The following EYS variants were observed in gnomAD, a reference collection of about 807,000 sequenced individuals.
EYS encodes protein eyes shut homolog.
A neutral mutation model predicts 282.1 loss-of-function variants in EYS; 250 were observed. That is an observed-to-expected ratio of 0.89 (90% CI 0.80 to 0.98). The LOEUF (loss-of-function observed/expected upper bound fraction) is 0.98, where lower values mean the gene tolerates loss of function less well. Among genes scored for constraint, EYS ranks in the 50% least tolerant of loss-of-function variants. The probability of loss-of-function intolerance (pLI) is 0.00; values close to 1 mark genes in which losing one functional copy is unlikely to be tolerated. For synonymous variants in EYS, 1,355 were observed against 1,282.9 expected, an observed-to-expected ratio of 1.06 and a Z score of -1.20; for missense variants, 4,016 against 3,709.0, an observed-to-expected ratio of 1.08 and a Z score of -2.15.
chr6:64,302,305 C>A (rs1769263319), intron 30 of EYS, among the ~76,000 whole-genome samples: 1 of 152,200 alleles, frequency 6.6e-6, no homozygotes, highest in Non-Finnish European at 1.5e-5. Context: ...TGCCAGCTCA[C>A]AGGCACATCC....
chr6:64,915,590 T>G (rs547815483), intron 15 of EYS, among the ~76,000 whole-genome samples: 2 of 152,190 alleles, frequency 1.3e-5, no homozygotes, highest in Non-Finnish European at 2.9e-5. Flanking sequence ...CACTGTTTAC[T>G]AGATGCTGTC....
At chr6:65,226,117 T>A (rs1319363307) in intron 12 of EYS, among the ~76,000 whole-genome samples, 1 of 152,054 alleles carries the variant, frequency 6.6e-6, no homozygotes, top group African/African-American at 2.4e-5. Flanking sequence ...ATATAGGAAA[T>A]TCTTAAGAAT....
intron 7 of EYS, among the ~76,000 whole-genome samples, chr6:65,392,601 G>T (rs1409719123): frequency 2.0e-5 from 3 of 152,120 alleles, no homozygotes; most frequent in Non-Finnish European, 4.4e-5. Flanking sequence ...TCAGAGAAAT[G>T]CAAATCAAAA....
intron 22 of EYS, among the ~76,000 whole-genome samples, chr6:64,655,753 C>T (rs945240576): frequency 1.3e-5 from 2 of 151,860 alleles, no homozygotes; most frequent in African/African-American, 2.4e-5. Context: ...AATAAATTGG[C>T]TTATTGGTAT....
At chr6:65,420,701 A>G (rs1307449160) in intron 5 of EYS, among the ~76,000 whole-genome samples, 1 of 151,944 alleles carries the variant, frequency 6.6e-6, no homozygotes, top group East Asian at 1.9e-4. Flanking sequence ...CCTTACAAAA[A>G]GCATTTCTTA....
intron 31 of EYS, among the ~76,000 whole-genome samples, chr6:64,144,258 T>G (rs1387418741): frequency 1.3e-5 from 2 of 152,194 alleles, no homozygotes; most frequent in East Asian, 3.8e-4. Flanking sequence ...TTACTTTTTT[T>G]GTACTTTGTT....
intron 30 of EYS, among the ~76,000 whole-genome samples, chr6:64,271,959 C>T (rs1434798347): frequency 1.3e-5 from 2 of 152,190 alleles, no homozygotes; most frequent in Admixed American, 1.3e-4. Context: ...CCTGCCTCAG[C>T]CTCCCGAGTA....
chr6:64,495,705 C>A (rs576269467), intron 26 of EYS, among the ~76,000 whole-genome samples: 2 of 151,814 alleles, frequency 1.3e-5, no homozygotes, highest in South Asian at 4.1e-4. Flanking sequence ...AGACGTTAAA[C>A]CTTTTATTTC....
intron 1 of EYS, among the ~76,000 whole-genome samples, chr6:65,643,459 C>T (rs1562305466): frequency 6.6e-6 from 1 of 152,128 alleles, no homozygotes; most frequent in Non-Finnish European, 1.5e-5. Flanking sequence ...AGTGTAGTTG[C>T]CAAAGAAAAA....
chr6:64,564,317 G>A (rs548869379), intron 26 of EYS, among the ~76,000 whole-genome samples: 75 of 110,416 alleles, frequency 6.8e-4, no homozygotes, highest in African/African-American at 2.6e-3. Context: ...TCCCTCTGTC[G>A]CCAGGTTGGA....
chr6:65,168,540 T>G (rs1765028732), intron 12 of EYS, among the ~76,000 whole-genome samples: 1 of 151,102 alleles, frequency 6.6e-6, no homozygotes, highest in Non-Finnish European at 1.5e-5. Flanking sequence ...TGGGTCTGTT[T>G]TGTAAGGACA....
rs1765357354 is a variant in EYS, at chr6:65,180,735, G to A, written c.2023+115128C>T. On this transcript the variant is annotated intron_variant, in intron 12 of 42. Coordinates refer to ENST00000503581, the MANE Select transcript of EYS (RefSeq NM_001142800.2). ...AAAGTTCATATGGAACCAAAAAAGA[G>A]CCTGCATTGCCAAGTCAATCCTAAG... Among the ~76,000 whole-genome samples the A allele has an allele frequency of 2.6e-5, 4 of 152,060 alleles. 1 individual carries two copies. The South Asian group carries it at 8.3e-4, about 32-fold the overall frequency.
At chr6:64,466,835 A>G (rs79594840) in intron 26 of EYS, among the ~76,000 whole-genome samples, 1 of 152,156 alleles carries the variant, frequency 6.6e-6, no homozygotes. Context: ...AGATATTTCA[A>G]AATATTATGT....
intron 29 of EYS, among the ~76,000 whole-genome samples, chr6:64,362,037 A>G (rs537578519): frequency 6.6e-6 from 1 of 151,904 alleles, no homozygotes; most frequent in Admixed American, 6.6e-5. Flanking sequence ...GGATTGTTTG[A>G]ACATTAAGTT....
chr6:64,553,631 A>G (rs1760869385), intron 26 of EYS, among the ~76,000 whole-genome samples: 1 of 146,554 alleles, frequency 6.8e-6, no homozygotes, highest in Non-Finnish European at 1.5e-5. Context: ...ATTGCTTTAA[A>G]TAGCATAAGG....
intron 12 of EYS, among the ~76,000 whole-genome samples, chr6:65,097,472 CAT>C (rs1774772336): frequency 6.6e-6 from 1 of 150,904 alleles, no homozygotes; most frequent in Admixed American, 6.6e-5. Flanking sequence ...AGTACTACCA[CAT>C]GATTCAGAAA....
intron 15 of EYS, 69 bp from the exon 16 acceptor site, chr6:64,912,812 T>A: frequency 2.9e-6 from 3 of 1,018,690 alleles, no homozygotes; most frequent in Non-Finnish European, 2.7e-6. Flanking sequence ...TATTTTTAAT[T>A]ACTCCCTTGA....
chr6:64,757,586 A>T (rs116727504), intron 22 of EYS, among the ~76,000 whole-genome samples: 8 of 152,242 alleles, frequency 5.3e-5, no homozygotes, highest in African/African-American at 1.9e-4. Context: ...TGCTTAACCA[A>T]TGGTTTTATC....
intron 13 of EYS, among the ~76,000 whole-genome samples, chr6:65,037,281 A>C (rs1772798780): frequency 6.6e-6 from 1 of 151,794 alleles, no homozygotes; most frequent in South Asian, 2.1e-4. Flanking sequence ...GATGCAAATA[A>C]GAGAACATTG....
Sources: gnomAD v4.1 joint callset for allele counts (sites outside exome capture counted in the v4.1 genomes callset) on GRCh38, gnomAD v4.1.1 for gene constraint, MANE v1.5 for transcripts, NCBI Gene and HGNC (gene_info 2026-07-23, HGNC 2026-07-21) for gene names.